The following LRRN2 variants were observed in gnomAD, a reference collection of about 807,000 sequenced individuals.
LRRN2 encodes the protein leucine rich repeat neuronal 2.
In LRRN2, 10 loss-of-function variants were observed where a neutral mutation model predicts 35.7. That is an observed-to-expected ratio of 0.28 (90% CI 0.17 to 0.47). The LOEUF is 0.47. Ranked by LOEUF, LRRN2 falls within the 20% of genes least tolerant of loss-of-function variation. LRRN2 has a pLI of 0.99. For missense variants in LRRN2, 731 were observed against 940.3 expected (o/e 0.78, Z 2.91); for synonymous variants, 391 against 409.6 (o/e 0.95, Z 0.55).
At chr1:204,667,167 G>T (rs1465115293) in intron 1 of LRRN2, among the ~76,000 whole-genome samples, 1 of 152,068 alleles carries the variant, frequency 6.6e-6, no homozygotes, top group Non-Finnish European at 1.5e-5. Context: ...GATTGTGGTG[G>T]ATTTACACAA....
intron 1 of LRRN2, among the ~76,000 whole-genome samples, chr1:204,661,554 CG>C (rs1342766206): frequency 6.6e-6 from 1 of 152,110 alleles, no homozygotes; most frequent in Non-Finnish European, 1.5e-5. Flanking sequence ...GAAGTGCTGT[CG>C]GGAATCTGCA....
At chr1:204,636,659 G>T (rs1195787498) in intron 1 of LRRN2, among the ~76,000 whole-genome samples, 1 of 152,184 alleles carries the variant, frequency 6.6e-6, no homozygotes, top group Non-Finnish European at 1.5e-5. Context: ...TAGCTACTCA[G>T]GAGGCTGAGA....
intron 1 of LRRN2, among the ~76,000 whole-genome samples, chr1:204,680,422 G>T (rs904851816): frequency 6.6e-6 from 1 of 152,212 alleles, no homozygotes; most frequent in African/African-American, 2.4e-5. Flanking sequence ...AGGTGTGGGT[G>T]CAAGAAACAC....
In LRRN2 at chr1:204,671,403, T is replaced by TTGTGTG. The variant is rs60084787; in HGVS notation, c.-227+13911_-227+13916dup. On this transcript the variant is annotated intron_variant, in intron 1 of 1. Transcript: ENST00000367177. ...TAGAAGTAGCAATCTGTTTGTGTGT[T>TTGTGTG]TGTGTGTGTGTGTGTGTGTGTGTGT... Among the ~76,000 whole-genome samples, 840 of 122,968 alleles carry TTGTGTG rather than the reference T, an allele frequency of 6.8e-3. 12 individuals carry two copies. Among genetic ancestry groups the TTGTGTG allele is most frequent in the African/African-American group, 0.023 (792 of 33,748 alleles). The allele number at this position is 122,968 out of a possible 152,430, so 80.7% of individuals were successfully genotyped here.
chr1:204,674,337 T>C (rs1447920717), intron 1 of LRRN2, among the ~76,000 whole-genome samples: 2 of 135,554 alleles, frequency 1.5e-5, no homozygotes, highest in African/African-American at 2.8e-5. Flanking sequence ...CTCTCCCAGC[T>C]CTTCCTGCCA....
At chr1:204,652,806 A>G (rs912959187) in intron 1 of LRRN2, among the ~76,000 whole-genome samples, 1 of 152,202 alleles carries the variant, frequency 6.6e-6, no homozygotes, top group Non-Finnish European at 1.5e-5. Flanking sequence ...GGTGATTCCA[A>G]TGCAGGCAGC....
chr1:204,636,686 G>A (rs1256556739), intron 1 of LRRN2, among the ~76,000 whole-genome samples: 3 of 152,172 alleles, frequency 2.0e-5, no homozygotes, highest in African/African-American at 7.2e-5. Context: ...GATCCCTTGA[G>A]CCCAGGAGGT....
Position 204,682,499 on chromosome 1 carries a change from A to G in LRRN2, c.-227+2821T>C, listed in dbSNP as rs150443505. Among the ~76,000 whole-genome samples the G allele has an allele frequency of 7.7e-4, 118 of 152,332 alleles. 2 individuals are homozygous for G. The East Asian group carries it at 0.016, about 20-fold the overall frequency. ...AACTGCAGATACAAGTGATTTCAAA[A>G]TGGAGATCTATATGACCCGGAGCAA... is the stretch of plus-strand genomic sequence containing the variant. On this transcript the variant is annotated intron_variant, in intron 1 of 1. Coordinates refer to ENST00000367177, the MANE Select transcript of LRRN2 (RefSeq NM_201630.2).
intron 1 of LRRN2, chr1:204,627,067 T>C (rs1401950167): frequency 6.6e-6 from 1 of 152,182 alleles, no homozygotes; most frequent in Non-Finnish European, 1.5e-5. Flanking sequence ...ACTGGGATGC[T>C]AACAGAAAGC....
intron 1 of LRRN2, among the ~76,000 whole-genome samples, chr1:204,659,188 G>C (rs1469599296): frequency 2.6e-5 from 4 of 152,138 alleles, no homozygotes; most frequent in Non-Finnish European, 5.9e-5. Context: ...TCTAATCCAC[G>C]GATTCATGAA....
At chr1:204,646,816 T>C (rs1402670990) in intron 1 of LRRN2, among the ~76,000 whole-genome samples, 1 of 152,274 alleles carries the variant, frequency 6.6e-6, no homozygotes, top group Non-Finnish European at 1.5e-5. Flanking sequence ...ATTATATTTC[T>C]ATTGGACATA....
chr1:204,622,378 G>C lies in LRRN2; in HGVS notation c.-226-2160C>G, dbSNP rs189227690. Among the ~76,000 whole-genome samples the C allele has an allele frequency of 3.3e-3, 497 of 152,308 alleles. 1 individual carries two copies. The highest frequency in any genetic ancestry group is 6.8e-3 in the Middle Eastern group (2 of 294). On this transcript the variant is annotated intron_variant, in intron 1 of 1. Coordinates refer to ENST00000367177, the MANE Select transcript of LRRN2 (RefSeq NM_201630.2). ...GGGGAGCAGCTGGAGGCAGGGTCCCGTTCCCTGAGCAGGAACACAGCAAGC... is the reference window on the plus strand; with the variant it reads ...GGGGAGCAGCTGGAGGCAGGGTCCCCTTCCCTGAGCAGGAACACAGCAAGC...
chr1:204,628,992 G>A (rs1437769271), intron 1 of LRRN2: 1 of 152,368 alleles, frequency 6.6e-6, no homozygotes, highest in African/African-American at 2.4e-5. Context: ...GGGCAGCCAA[G>A]CCCAGTGCTG....
chr1:204,625,694 C>T (rs1667292789), intron 1 of LRRN2, among the ~76,000 whole-genome samples: 2 of 152,186 alleles, frequency 1.3e-5, no homozygotes, highest in Admixed American at 1.3e-4. Context: ...CCCAGAATTC[C>T]CCTTCCTTTT....
intron 1 of LRRN2, among the ~76,000 whole-genome samples, chr1:204,632,982 G>C (rs1406732664): frequency 6.6e-6 from 1 of 152,086 alleles, no homozygotes; most frequent in African/African-American, 2.4e-5. Flanking sequence ...TGTTGCTATG[G>C]TCTGAATATA....
At chr1:204,667,370 T>C (rs1192318802) in intron 1 of LRRN2, among the ~76,000 whole-genome samples, 1 of 152,218 alleles carries the variant, frequency 6.6e-6, no homozygotes, top group Non-Finnish European at 1.5e-5. Flanking sequence ...ATCCATACTT[T>C]TTTTAAAAGG....
At chr1:204,671,402 T>TG (rs59197872) in intron 1 of LRRN2, among the ~76,000 whole-genome samples, 77,950 of 113,690 alleles carry the variant, frequency 0.69, 24,812 homozygotes, top group Non-Finnish European at 0.78. Context: ...TGTTTGTGTG[T>TG]TTGTGTGTGT....
At chr1:204,655,357 G>T (rs188243791) in intron 1 of LRRN2, among the ~76,000 whole-genome samples, 1 of 152,290 alleles carries the variant, frequency 6.6e-6, no homozygotes, top group African/African-American at 2.4e-5. Context: ...GCGCGATCTG[G>T]GGTCACTGCA....
At chr1:204,679,089 G>A (rs1219626449) in intron 1 of LRRN2, among the ~76,000 whole-genome samples, 1 of 152,200 alleles carries the variant, frequency 6.6e-6, no homozygotes, top group African/African-American at 2.4e-5. Flanking sequence ...TGATTCTGCA[G>A]GTCCCCTCGC....
Sources: gnomAD v4.1 joint callset for allele counts (sites outside exome capture counted in the v4.1 genomes callset) on GRCh38, gnomAD v4.1.1 for gene constraint, MANE v1.5 for transcripts, NCBI Gene and HGNC (gene_info 2026-07-23, HGNC 2026-07-21) for gene names.